Variants in MAGI3 observed in about 807,000 individuals in gnomAD.
MAGI3 encodes membrane associated guanylate kinase, WW and PDZ domain containing 3, also known as membrane-associated guanylate kinase, WW and PDZ domain-containing protein 3.
A neutral mutation model predicts 121.8 loss-of-function variants in MAGI3; 43 were observed. The observed-to-expected ratio is 0.35, with a 90% CI of 0.28 to 0.46. The LOEUF (loss-of-function observed/expected upper bound fraction) is 0.46. Among genes scored for constraint, MAGI3 ranks in the 20% least tolerant of loss-of-function variants. The probability of loss-of-function intolerance (pLI) is 1.00; values close to 1 mark genes in which losing one functional copy is unlikely to be tolerated. For missense variants in MAGI3, 1,547 were observed against 1,797.3 expected (o/e 0.86, Z 2.52); for synonymous variants, 553 against 639.3 (o/e 0.86, Z 2.04).
At chr1:113,643,359 G>A (rs1652656782) in intron 10 of MAGI3, among the ~76,000 whole-genome samples, 1 of 152,130 alleles carries the variant, frequency 6.6e-6, no homozygotes, top group African/African-American at 2.4e-5. Flanking sequence ...TCTGAGTGAT[G>A]GTGGAATGTG....
chr1:113,396,461 A>G (rs1433000780), intron 1 of MAGI3, among the ~76,000 whole-genome samples: 3 of 152,168 alleles, frequency 2.0e-5, no homozygotes, highest in Admixed American at 6.6e-5. Context: ...CCCTGAATTT[A>G]AAACTATTGT....
At chr1:113,634,539 A>G (rs1264289329) in intron 9 of MAGI3, among the ~76,000 whole-genome samples, 1 of 152,148 alleles carries the variant, frequency 6.6e-6, no homozygotes, top group Non-Finnish European at 1.5e-5. Context: ...AAGATCAGAT[A>G]GTTGTAGATG....
intron 2 of MAGI3, among the ~76,000 whole-genome samples, chr1:113,557,427 G>C (rs1203205387): frequency 6.6e-6 from 1 of 152,246 alleles, no homozygotes; most frequent in African/African-American, 2.4e-5. Flanking sequence ...CCAGGACACA[G>C]CTGTTTTGTT....
intron 12 of MAGI3, among the ~76,000 whole-genome samples, chr1:113,648,164 G>T (rs540314767): frequency 2.6e-5 from 4 of 151,982 alleles, no homozygotes; most frequent in Non-Finnish European, 4.4e-5. Flanking sequence ...CTCGTGATCC[G>T]CCCACCTCGG....
At chr1:113,553,786 G>A (rs566243802) in intron 2 of MAGI3, among the ~76,000 whole-genome samples, 37 of 152,338 alleles carry the variant, frequency 2.4e-4, no homozygotes, top group Non-Finnish European at 4.7e-4. Flanking sequence ...TGAGGCAGGC[G>A]GATCATGAGG....
At chr1:113,545,847 G>T (rs1659512424) in intron 1 of MAGI3, among the ~76,000 whole-genome samples, 1 of 149,148 alleles carries the variant, frequency 6.7e-6, no homozygotes, top group Non-Finnish European at 1.5e-5. Flanking sequence ...ACGTTATGAA[G>T]AATCTTTTCT....
chr1:113,576,748 A>G (rs1413204267), intron 2 of MAGI3: 2 of 152,218 alleles, frequency 1.3e-5, no homozygotes, highest in Non-Finnish European at 2.9e-5. Flanking sequence ...TCATAAAGCA[A>G]TTGCTTTATG....
intron 2 of MAGI3, among the ~76,000 whole-genome samples, chr1:113,563,106 A>C (rs1191030346): frequency 6.6e-6 from 1 of 152,240 alleles, no homozygotes; most frequent in Non-Finnish European, 1.5e-5. Flanking sequence ...AGCAATATGT[A>C]AAAGGATAAT....
rs1281392194 is a variant in MAGI3, at chr1:113,684,284, T to C, written c.*270T>C. ...GCTCAGGCTGCCCAGCTCGTCTTCA[T>C]GAGTGTCTGAACAAATGACATATGT... On this transcript the variant is annotated 3_prime_UTR_variant, in exon 21 of 21. Coordinates refer to ENST00000307546, the MANE Select transcript of MAGI3 (RefSeq NM_001142782.2). The C allele has an allele frequency of 1.4e-5, 4 of 285,286 alleles. No homozygotes were observed. 17.7% of individuals were successfully genotyped at this position (285,286 alleles called of 1,614,324 possible).
chr1:113,457,608 G>A (rs982790684), intron 1 of MAGI3, among the ~76,000 whole-genome samples: 1 of 151,880 alleles, frequency 6.6e-6, no homozygotes, highest in Non-Finnish European at 1.5e-5. Flanking sequence ...GCTAGTTCCT[G>A]TTCTTGGTGG....
At chr1:113,542,404 T>C (rs1471803168) in intron 1 of MAGI3, among the ~76,000 whole-genome samples, 1 of 152,232 alleles carries the variant, frequency 6.6e-6, no homozygotes, top group African/African-American at 2.4e-5. Context: ...TAATTGTTTA[T>C]GTCTGGAACT....
At chr1:113,576,088 A>G (rs1282284610) in intron 2 of MAGI3, among the ~76,000 whole-genome samples, 1 of 152,146 alleles carries the variant, frequency 6.6e-6, no homozygotes, top group Non-Finnish European at 1.5e-5. Context: ...CTGTGCTGGC[A>G]CTGAGAATTT....
intron 1 of MAGI3, among the ~76,000 whole-genome samples, chr1:113,512,950 A>G (rs911712058): frequency 1.6e-4 from 25 of 152,164 alleles, no homozygotes; most frequent in Non-Finnish European, 3.5e-4. Context: ...AAATCAATGT[A>G]CAAAAATCAC....
chr1:113,527,748 T>C (rs968049802), intron 1 of MAGI3, among the ~76,000 whole-genome samples: 2 of 152,238 alleles, frequency 1.3e-5, no homozygotes, highest in African/African-American at 4.8e-5. Context: ...GATAAAAGAT[T>C]CATTCTTAAT....
rs778387604 is a variant in MAGI3 at position 113,422,858 on chromosome 1, C to T, written c.316+31509C>T. 3.3e-5 allele frequency among the ~76,000 whole-genome samples: 5 copies of T among 152,106 alleles called. No individual in the cohort carries two copies. Among genetic ancestry groups the T allele is most frequent in the Non-Finnish European group, 7.4e-5 (5 of 68,022 alleles). ...CTGGCTTGCAGCTCCTGGGCTGATC[C>T]GGCCCCACCGCTACTTCCCATTGCA... On this transcript the variant is annotated intron_variant, in intron 1 of 20. Coordinates refer to ENST00000307546, the MANE Select transcript of MAGI3 (RefSeq NM_001142782.2). The surrounding 1 kb of genome is among the most constrained non-coding windows in gnomAD (Gnocchi z 4.3).
At chr1:113,423,334 T>G (rs570797688) in intron 1 of MAGI3, among the ~76,000 whole-genome samples, 4 of 150,508 alleles carry the variant, frequency 2.7e-5, no homozygotes, top group Admixed American at 6.6e-5. Context: ...TGCAGTGGCC[T>G]GATCTCAGCT....
intron 1 of MAGI3, among the ~76,000 whole-genome samples, chr1:113,515,938 CTG>C (rs1340164744): frequency 2.6e-5 from 4 of 151,938 alleles, no homozygotes; most frequent in Non-Finnish European, 4.4e-5. Flanking sequence ...ACATTTTGAA[CTG>C]GGTAATTAAT....
intron 1 of MAGI3, among the ~76,000 whole-genome samples, chr1:113,428,953 A>C (rs1487845731): frequency 1.1e-4 from 16 of 152,254 alleles, no homozygotes; most frequent in African/African-American, 3.1e-4. Context: ...CCTTAATTAC[A>C]CTAGCTACAT....
chr1:113,573,881 T>C (rs1647461106), intron 2 of MAGI3, among the ~76,000 whole-genome samples: 1 of 152,226 alleles, frequency 6.6e-6, no homozygotes, highest in African/African-American at 2.4e-5. Flanking sequence ...TGCTCCTGTA[T>C]TGGGTGCATA....
Sources: gnomAD v4.1 joint callset for allele counts (sites outside exome capture counted in the v4.1 genomes callset) on GRCh38, gnomAD v4.1.1 for gene constraint, Gnocchi (gnomAD v3.1) non-coding constraint, MANE v1.5 for transcripts, NCBI Gene and HGNC (gene_info 2026-07-23, HGNC 2026-07-21) for gene names.